GLIS1: variants seen among roughly 807,000 people sequenced by gnomAD.
The protein encoded by GLIS1 is zinc finger protein GLIS1.
In GLIS1, 24 loss-of-function variants were observed where a neutral mutation model predicts 63.8. The observed-to-expected ratio is 0.38, with a 90% confidence interval of 0.27 to 0.53. GLIS1 has a LOEUF of 0.53. GLIS1 is among the 20% of genes least tolerant of loss of function. The probability of loss-of-function intolerance (pLI) is 0.85; values close to 1 mark genes in which losing one functional copy is unlikely to be tolerated. For missense variants in GLIS1, 1,036 were observed against 1,074.1 expected (o/e 0.96, Z 0.50); for synonymous variants, 450 against 482.5 (o/e 0.93, Z 0.88).
intron 2 of GLIS1, among the ~76,000 whole-genome samples, chr1:53,733,033 AC>A (rs1466089453): frequency 6.6e-6 from 1 of 152,018 alleles, no homozygotes; most frequent in Non-Finnish European, 1.5e-5. Flanking sequence ...CAGATTGAAA[AC>A]CCTGTCCCAA....
chr1:53,723,239 CTTT>C (rs111541690), intron 2 of GLIS1, among the ~76,000 whole-genome samples: 3 of 141,406 alleles, frequency 2.1e-5, no homozygotes, highest in Admixed American at 7.0e-5. Context: ...TATTTATTTA[CTTT>C]TTTTTTTTTT....
chr1:53,666,789 A>G (rs892901300), intron 2 of GLIS1, among the ~76,000 whole-genome samples: 5 of 148,104 alleles, frequency 3.4e-5, no homozygotes, highest in Admixed American at 6.6e-5. Flanking sequence ...CAGGCTGGGG[A>G]GCCAGCAGGG....
At chr1:53,583,491 A>G (rs1268329498) in intron 4 of GLIS1, among the ~76,000 whole-genome samples, 1 of 152,184 alleles carries the variant, frequency 6.6e-6, no homozygotes, top group Non-Finnish European at 1.5e-5. Context: ...AGAGACCTCC[A>G]GTCCCATTGC....
At chr1:53,525,497 G>T (rs1644458727) in intron 5 of GLIS1, among the ~76,000 whole-genome samples, 1 of 132,550 alleles carries the variant, frequency 7.5e-6, no homozygotes, top group Non-Finnish European at 1.7e-5. Flanking sequence ...GCGGGGCTGG[G>T]GGCTGTGCCC....
intron 2 of GLIS1, among the ~76,000 whole-genome samples, chr1:53,612,431 G>A (rs922332458): frequency 2.6e-5 from 4 of 151,954 alleles, no homozygotes; most frequent in Admixed American, 6.6e-5. Context: ...TAGTAGAGAC[G>A]GGGTTTCACT....
chr1:53,551,845 C>G (rs1311108775), intron 4 of GLIS1, among the ~76,000 whole-genome samples: 5 of 152,108 alleles, frequency 3.3e-5, no homozygotes, highest in Admixed American at 3.3e-4. Context: ...GGCCTCTGCA[C>G]AAACCCATCC....
At chr1:53,577,190 G>A (rs1178348002) in intron 4 of GLIS1, among the ~76,000 whole-genome samples, 1 of 149,696 alleles carries the variant, frequency 6.7e-6, no homozygotes, top group Non-Finnish European at 1.5e-5. Context: ...TCCTGCCTTA[G>A]GAGCTCCAGA....
At chr1:53,601,546 A>AC (rs937408767) in intron 2 of GLIS1, among the ~76,000 whole-genome samples, 32 of 151,922 alleles carry the variant, frequency 2.1e-4, no homozygotes, top group African/African-American at 7.7e-4. Flanking sequence ...CCTGTGCAGG[A>AC]CCAGGGCTGG....
chr1:53,568,566 C>T (rs1226162562), intron 4 of GLIS1, among the ~76,000 whole-genome samples: 3 of 152,022 alleles, frequency 2.0e-5, no homozygotes, highest in Non-Finnish European at 2.9e-5. Flanking sequence ...GGCTCTGTGT[C>T]CCCACCCAAA....
intron 2 of GLIS1, among the ~76,000 whole-genome samples, chr1:53,663,684 G>A (rs995977535): frequency 8.5e-5 from 13 of 152,146 alleles, no homozygotes; most frequent in Non-Finnish European, 1.8e-4. Flanking sequence ...GCAAACACTG[G>A]TGAGTCGCTG....
At chr1:53,554,753 C>A (rs1644799656) in intron 4 of GLIS1, among the ~76,000 whole-genome samples, 1 of 152,212 alleles carries the variant, frequency 6.6e-6, no homozygotes, top group Admixed American at 6.5e-5. Context: ...GCCCCCACAG[C>A]CGGGTCTGAC....
chr1:53,529,263 A>G (rs1190731472), intron 5 of GLIS1, among the ~76,000 whole-genome samples: 1 of 152,158 alleles, frequency 6.6e-6, no homozygotes, highest in Non-Finnish European at 1.5e-5. Context: ...AGGAGCCTGG[A>G]GTCTTAGGCA....
rs76546539 is a variant in GLIS1 at position 53,622,955 on chromosome 1, T to A, written c.260-22677A>T. Among the ~76,000 whole-genome samples, 58 of 152,360 alleles carry A rather than the reference T, an allele frequency of 3.8e-4. 2 individuals carry two copies. The East Asian group carries it at 0.011, about 29-fold the overall frequency. Reference sequence around the variant, plus strand: ...TGTTTTACCAATTCTTATCTTTTTTTAAAGCATTCTTTTGCTAATGTCTTA... The same window carrying A: ...TGTTTTACCAATTCTTATCTTTTTTAAAAGCATTCTTTTGCTAATGTCTTA... On this transcript the variant is annotated intron_variant, in intron 2 of 10. Coordinates refer to ENST00000628545, the MANE Select transcript of GLIS1 (RefSeq NM_001367484.1).
chr1:53,524,268 C>T (rs755741684), intron 6 of GLIS1, among the ~76,000 whole-genome samples: 23 of 152,226 alleles, frequency 1.5e-4, no homozygotes, highest in Middle Eastern at 3.2e-3. Context: ...CCATGCCTGA[C>T]GCCACTTCCT....
At chr1:53,618,437 A>G (rs567065845) in intron 2 of GLIS1, among the ~76,000 whole-genome samples, 2 of 152,348 alleles carry the variant, frequency 1.3e-5, no homozygotes, top group South Asian at 2.1e-4. Context: ...TTACAACATT[A>G]TTAGTTGAAA....
intron 4 of GLIS1, among the ~76,000 whole-genome samples, chr1:53,546,523 G>T (rs1377642492): frequency 6.6e-6 from 1 of 152,196 alleles, no homozygotes; most frequent in African/African-American, 2.4e-5. Flanking sequence ...GGTCCTGGAG[G>T]TGTCTTCTGG....
chr1:53,558,408 T>A (rs568346912), intron 4 of GLIS1, among the ~76,000 whole-genome samples: 2 of 152,216 alleles, frequency 1.3e-5, no homozygotes, highest in African/African-American at 2.4e-5. Context: ...CTGTGTGCAT[T>A]CAAACCTCTG....
intron 4 of GLIS1, among the ~76,000 whole-genome samples, chr1:53,568,932 A>G (rs754223695): frequency 6.6e-6 from 1 of 152,244 alleles, no homozygotes; most frequent in Non-Finnish European, 1.5e-5. Context: ...TGAATGGGTA[A>G]GTAAACTGTG....
At chr1:53,722,509 G>A (rs1048668399) in intron 2 of GLIS1, among the ~76,000 whole-genome samples, 2 of 152,128 alleles carry the variant, frequency 1.3e-5, no homozygotes, top group Admixed American at 6.5e-5. Flanking sequence ...CCATTTTAAT[G>A]TATCACCTAT....
Sources: gnomAD v4.1 joint callset for allele counts (sites outside exome capture counted in the v4.1 genomes callset) on GRCh38, gnomAD v4.1.1 for gene constraint, MANE v1.5 for transcripts, NCBI Gene and HGNC (gene_info 2026-07-23, HGNC 2026-07-21) for gene names.